The following LMX1A variants were observed in gnomAD, a reference collection of about 807,000 sequenced individuals.
LMX1A encodes the protein LIM homeobox transcription factor 1-alpha.
In LMX1A, 15 loss-of-function variants were observed where a neutral mutation model predicts 49.1. That is an observed-to-expected ratio of 0.31 (90% CI 0.20 to 0.47). LMX1A has a LOEUF of 0.47. LMX1A is among the 20% of genes least tolerant of loss of function. The pLI is 1.00. For missense variants in LMX1A, 372 were observed against 475.8 expected, an observed-to-expected ratio of 0.78 and a Z score of 2.03; for synonymous variants, 167 against 185.7, an observed-to-expected ratio of 0.90 and a Z score of 0.82.
intron 4 of LMX1A, among the ~76,000 whole-genome samples, chr1:165,244,388 CCTA>C (rs1652767327): frequency 6.6e-6 from 1 of 152,158 alleles, no homozygotes; most frequent in African/African-American, 2.4e-5. Context: ...TAGCTGACAA[CCTA>C]CTACTTGTGA....
chr1:165,214,201 T>A (rs2102604700), intron 4 of LMX1A, among the ~76,000 whole-genome samples: 1 of 152,316 alleles, frequency 6.6e-6, no homozygotes, highest in South Asian at 2.1e-4. Context: ...GCTGATCTTG[T>A]GATAGTGAGT....
At chr1:165,351,021 C>A (rs1335786497) in intron 3 of LMX1A, among the ~76,000 whole-genome samples, 1 of 152,158 alleles carries the variant, frequency 6.6e-6, no homozygotes, top group African/African-American at 2.4e-5. Context: ...CCGCGCCAAA[C>A]CTGGAGGGCT....
intron 5 of LMX1A, among the ~76,000 whole-genome samples, chr1:165,212,047 A>G (rs1295656259): frequency 6.6e-6 from 1 of 152,194 alleles, no homozygotes. Flanking sequence ...GTGCAAGCCC[A>G]ATTTGGGGGC....
chr1:165,227,664 A>G lies in LMX1A; in HGVS notation c.497-13851T>C, dbSNP rs187226008. ...GGAATTCAATGCTGGCTGTTTTGGG[A>G]AAAAAGTACTTATTTTCCCCAAATT... On this transcript the variant is annotated intron_variant, in intron 4 of 8. Coordinates refer to ENST00000342310, the MANE Select transcript of LMX1A (RefSeq NM_177398.4). Among the ~76,000 whole-genome samples, 790 of 152,258 alleles carry G rather than the reference A, an allele frequency of 5.2e-3. 9 individuals carry two copies. The highest frequency in any genetic ancestry group is 0.018 in the African/African-American group (747 of 41,522).
intron 8 of LMX1A, among the ~76,000 whole-genome samples, chr1:165,205,478 G>T (rs1651037432): frequency 6.6e-6 from 1 of 152,182 alleles, no homozygotes; most frequent in East Asian, 1.9e-4. Flanking sequence ...TTTGTCTTCT[G>T]TGCTTTTTAT....
intron 3 of LMX1A, among the ~76,000 whole-genome samples, chr1:165,348,142 G>T (rs193227372): frequency 6.4e-4 from 97 of 152,268 alleles, no homozygotes; most frequent in African/African-American, 2.3e-3. Flanking sequence ...TCCTAGCCAG[G>T]TAGGTGTAAT....
At chr1:165,307,717 G>T (rs1354596225) in intron 3 of LMX1A, among the ~76,000 whole-genome samples, 1 of 152,150 alleles carries the variant, frequency 6.6e-6, no homozygotes, top group Admixed American at 6.6e-5. Flanking sequence ...CTGGCATTCT[G>T]CACATACCTC....
In LMX1A at chr1:165,229,377, G is replaced by GC. The variant is rs1003467599; in HGVS notation, c.497-15565dup. On this transcript the variant is annotated intron_variant, in intron 4 of 8. Coordinates refer to ENST00000342310, the MANE Select transcript of LMX1A (RefSeq NM_177398.4). ...CATTTATTAATGGAAGCTATAGATG[G>GC]CCCCCCCGTCACTTCTATTATTAGT... Among the ~76,000 whole-genome samples the GC allele has an allele frequency of 9.2e-5, 14 of 152,090 alleles. No homozygotes were observed. The East Asian group carries it at 1.4e-3, about 15-fold the overall frequency.
intron 3 of LMX1A, among the ~76,000 whole-genome samples, chr1:165,329,639 A>C (rs1364265191): frequency 6.6e-6 from 1 of 152,004 alleles, no homozygotes; most frequent in Non-Finnish European, 1.5e-5. Context: ...CTGCAAAAAA[A>C]AAAACCTTAC....
intron 7 of LMX1A, 142 bp from the exon 8 acceptor site, chr1:165,206,176 C>G: frequency 1.5e-6 from 1 of 676,818 alleles, no homozygotes; most frequent in Non-Finnish European, 2.4e-6. Flanking sequence ...CAGAGGCCAT[C>G]AGGAATCACC....
chr1:165,266,925 T>C (rs149509132), intron 3 of LMX1A, among the ~76,000 whole-genome samples: 1,840 of 150,516 alleles, frequency 0.012, 47 homozygotes, highest in African/African-American at 0.042. Context: ...CTTGCTTGCT[T>C]TCTCTCTCTC....
intron 4 of LMX1A, among the ~76,000 whole-genome samples, chr1:165,246,085 A>G (rs1274584808): frequency 1.3e-5 from 2 of 152,162 alleles, no homozygotes; most frequent in African/African-American, 4.8e-5. Context: ...ACTGAGGCAG[A>G]TCCTAAAGTT....
chr1:165,204,992 A>G (rs1410693997), intron 8 of LMX1A, among the ~76,000 whole-genome samples: 1 of 151,908 alleles, frequency 6.6e-6, no homozygotes, highest in Non-Finnish European at 1.5e-5. Context: ...GATTTTAACA[A>G]CAGAATTTTT....
chr1:165,254,233 T>A (rs1210632692), intron 3 of LMX1A, among the ~76,000 whole-genome samples: 1 of 152,006 alleles, frequency 6.6e-6, no homozygotes, highest in African/African-American at 2.4e-5. Flanking sequence ...CTTAATTTCA[T>A]CCCCCACTCC....
At chr1:165,239,376 A>G (rs188507288) in intron 4 of LMX1A, among the ~76,000 whole-genome samples, 4 of 152,246 alleles carry the variant, frequency 2.6e-5, no homozygotes, top group Admixed American at 2.6e-4. Context: ...CAAGGACTGA[A>G]CCCCTCTGTT....
chr1:165,266,109 C>T (rs572655882), intron 3 of LMX1A, among the ~76,000 whole-genome samples: 4 of 152,296 alleles, frequency 2.6e-5, no homozygotes, highest in African/African-American at 9.6e-5. Flanking sequence ...GGGGAAAATC[C>T]TTGACCTTGG....
intron 4 of LMX1A, among the ~76,000 whole-genome samples, chr1:165,248,492 T>G (rs1252952377): frequency 6.6e-6 from 1 of 152,232 alleles, no homozygotes; most frequent in Non-Finnish European, 1.5e-5. Context: ...AGGCATTCCA[T>G]GTTTAATGTA....
chr1:165,210,047 C>G (rs1651306505), intron 6 of LMX1A, among the ~76,000 whole-genome samples: 1 of 152,244 alleles, frequency 6.6e-6, no homozygotes, highest in African/African-American at 2.4e-5. Flanking sequence ...CAGAAGCATT[C>G]TGCGCTGATT....
At chr1:165,236,550 T>G (rs977117492) in intron 4 of LMX1A, among the ~76,000 whole-genome samples, 1 of 152,102 alleles carries the variant, frequency 6.6e-6, no homozygotes, top group African/African-American at 2.4e-5. Flanking sequence ...TTGTTTATTC[T>G]TACACATGGA....
Sources: allele counts gnomAD v4.1 joint callset (sites outside exome capture counted in the v4.1 genomes callset), GRCh38; gene constraint gnomAD v4.1.1; transcripts MANE v1.5; gene names NCBI Gene and HGNC (gene_info 2026-07-23, HGNC 2026-07-21).